IRAK2: variants seen among roughly 807,000 people sequenced by gnomAD.
The protein encoded by IRAK2 is interleukin 1 receptor associated kinase 2, also known as interleukin-1 receptor-associated kinase-like 2.
A neutral mutation model predicts 72.0 loss-of-function variants in IRAK2; 57 were observed. The ratio of observed to expected loss-of-function variants is 0.79; its 90% CI spans 0.64 to 0.99. IRAK2 has a LOEUF of 0.99. Among genes scored for constraint, IRAK2 ranks in the 50% least tolerant of loss-of-function variants. The pLI is 0.00. For missense variants in IRAK2, 790 were observed against 794.4 expected, an observed-to-expected ratio of 0.99 and a Z score of 0.07; for synonymous variants, 293 against 312.7, an observed-to-expected ratio of 0.94 and a Z score of 0.67.
At chr3:10,236,602 C>T (rs1697964866) in intron 11 of IRAK2, among the ~76,000 whole-genome samples, 1 of 152,110 alleles carries the variant, frequency 6.6e-6, no homozygotes, top group South Asian at 2.1e-4. Flanking sequence ...CCTGCCTTGG[C>T]CTCTCAAAGT....
chr3:10,185,558 C>CAAAAAA (rs770606601), intron 2 of IRAK2, among the ~76,000 whole-genome samples: 1 of 70,108 alleles, frequency 1.4e-5, no homozygotes, highest in African/African-American at 6.2e-5. Flanking sequence ...AACTCCGTCT[C>CAAAAAA]AAAAAAAAAA....
intron 7 of IRAK2, among the ~76,000 whole-genome samples, chr3:10,217,820 C>T (rs1037767911): frequency 2.6e-5 from 4 of 152,156 alleles, no homozygotes; most frequent in Non-Finnish European, 5.9e-5. Context: ...CAGTTACTCA[C>T]GGCATACTAA....
intron 6 of IRAK2, 48 bp from the exon 7 acceptor site, chr3:10,216,886 C>A: frequency 7.2e-7 from 1 of 1,388,224 alleles, no homozygotes; most frequent in South Asian, 1.2e-5. Flanking sequence ...GGAAGTAGAT[C>A]ATTCTTTCCG....
At chr3:10,234,390 T>TG in intron 10 of IRAK2, 69 bp from the exon 11 acceptor site, 5 of 1,321,704 alleles carry the variant, frequency 3.8e-6, no homozygotes, top group Non-Finnish European at 5.5e-6. Context: ...TGGAGGTGAG[T>TG]GGGGCGCGTG....
chr3:10,214,126 G>A (rs1697564793), intron 6 of IRAK2, among the ~76,000 whole-genome samples: 1 of 151,838 alleles, frequency 6.6e-6, no homozygotes, highest in Non-Finnish European at 1.5e-5. Flanking sequence ...ACGGGGTTTT[G>A]ACATGTTGGC....
intron 10 of IRAK2, 53 bp from the exon 11 acceptor site, chr3:10,234,406 G>C: frequency 2.6e-6 from 4 of 1,513,622 alleles, no homozygotes; most frequent in Non-Finnish European, 3.7e-6. Context: ...GCGTGCGTTG[G>C]CTCTCGCAGC....
chr3:10,219,763 G>A lies in IRAK2; in HGVS notation c.987G>A (p.Leu329=), dbSNP rs1197473233. 1 of 1,613,494 alleles carries A rather than the reference G, an allele frequency of 6.2e-7. No individual in the cohort carries two copies. Among genetic ancestry groups the A allele is most frequent in the Non-Finnish European group, 8.5e-7 (1 of 1,179,682 alleles). The change falls in exon 8 of 13, where the codon CTG becomes CTA. Residue 329 remains leucine, a synonymous_variant. Coordinates refer to ENST00000256458, the MANE Select transcript of IRAK2 (RefSeq NM_001570.4). ...LLCAVEYLHG[L]EIIHSNVKSS... The stretch of plus-strand genomic sequence containing the variant: ...GTGCCGTCGAGTACCTGCATGGTCT[G>A]GAGATCATCCACAGCAACGTCAAGA...
intron 3 of IRAK2, among the ~76,000 whole-genome samples, chr3:10,208,627 G>T (rs1423451120): frequency 6.6e-6 from 1 of 151,738 alleles, no homozygotes; most frequent in Admixed American, 6.6e-5. Flanking sequence ...GCTGGGTGTG[G>T]TGGCGGGCGC....
At chr3:10,165,625 A>G (rs1234156064) in intron 1 of IRAK2, among the ~76,000 whole-genome samples, 1 of 150,588 alleles carries the variant, frequency 6.6e-6, no homozygotes, top group African/African-American at 2.4e-5. Flanking sequence ...CCTCCCGAGT[A>G]GCTGGGATTA....
chr3:10,200,404 G>A lies in IRAK2; in HGVS notation c.313G>A (p.Ala105Thr). 6.2e-7 allele frequency: 1 copy of A among 1,602,842 alleles called. No individual in the cohort carries two copies. The change falls in exon 3 of 13, where the codon GCC (alanine) becomes ACC (threonine). Residue 105 changes from alanine to threonine, a missense_variant. By Grantham distance (58) the Ala-to-Thr change is moderately conservative. Transcript: ENST00000256458. ...TCCTGAAATCAGGTGTCCCATTCCA[G>A]CCTTCCCTGACTCTGTGAAGCCAGA... ...PAPEIRCPIP[A>T]FPDSVKPEKP...
chr3:10,181,823 G>A (rs1696963429), intron 2 of IRAK2, among the ~76,000 whole-genome samples: 1 of 152,144 alleles, frequency 6.6e-6, no homozygotes, highest in Non-Finnish European at 1.5e-5. Flanking sequence ...TTCAAGGATA[G>A]TTATCTCAAA....
intron 1 of IRAK2, among the ~76,000 whole-genome samples, chr3:10,167,694 C>T (rs55709638): frequency 0.06 from 9,085 of 152,170 alleles, 427 homozygotes; most frequent in African/African-American, 0.13. Flanking sequence ...GGATTACAGG[C>T]GTGAGCCACC....
chr3:10,176,934 C>T (rs1239462067), intron 1 of IRAK2, among the ~76,000 whole-genome samples: 1 of 151,612 alleles, frequency 6.6e-6, no homozygotes, highest in Non-Finnish European at 1.5e-5. Flanking sequence ...TCCCGAGTAG[C>T]TGGGACTACA....
intron 2 of IRAK2, among the ~76,000 whole-genome samples, 183 bp from the exon 3 acceptor site, chr3:10,200,186 T>G (rs1697334189): frequency 6.6e-6 from 1 of 152,006 alleles, no homozygotes; most frequent in Non-Finnish European, 1.5e-5. Flanking sequence ...CCGCGCCTGG[T>G]CTACCGCATT....
chr3:10,189,667 C>T (rs553318322), intron 2 of IRAK2, among the ~76,000 whole-genome samples: 1 of 152,308 alleles, frequency 6.6e-6, no homozygotes, highest in Admixed American at 6.5e-5. Flanking sequence ...TTTGGCATCT[C>T]GGCCAGAGTC....
At chr3:10,206,256 A>G (rs1237141662) in intron 3 of IRAK2, among the ~76,000 whole-genome samples, 1 of 152,144 alleles carries the variant, frequency 6.6e-6, no homozygotes, top group Non-Finnish European at 1.5e-5. Flanking sequence ...CCCTCTGCAC[A>G]CAGTGCCTGG....
rs566954049 is a variant in IRAK2 at position 10,191,742 on chromosome 3, T to A, written c.278-8627T>A. On this transcript the variant is annotated intron_variant, in intron 2 of 12. Coordinates refer to ENST00000256458, the MANE Select transcript of IRAK2 (RefSeq NM_001570.4). ...TTCCTGGCCAGCCTATGGAAGTAGG[T>A]CCATCAGGCACCCCTCCCTCGAGTT... is the stretch of plus-strand genomic sequence containing the variant. Among the ~76,000 whole-genome samples the A allele has an allele frequency of 2.6e-5, 4 of 152,264 alleles. No individual in the cohort carries two copies. In the East Asian group the frequency reaches 7.7e-4, roughly 29 times the overall value.
At chr3:10,238,684 G>C in intron 11 of IRAK2, 64 bp from the exon 12 acceptor site, 3 of 1,509,234 alleles carry the variant, frequency 2.0e-6, no homozygotes, top group Non-Finnish European at 1.8e-6. Flanking sequence ...TGGGAGGCCA[G>C]ATGTTAGCAT....
At chr3:10,228,346 T>G (rs1697811160) in intron 10 of IRAK2, among the ~76,000 whole-genome samples, 1 of 152,184 alleles carries the variant, frequency 6.6e-6, no homozygotes, top group Admixed American at 6.5e-5. Flanking sequence ...CATGTTCCTT[T>G]GATGAACTCT....
Sources: allele counts gnomAD v4.1 joint callset (sites outside exome capture counted in the v4.1 genomes callset), GRCh38; gene constraint gnomAD v4.1.1; transcripts MANE v1.5; gene names NCBI Gene and HGNC (gene_info 2026-07-23, HGNC 2026-07-21).